IQGAP1: variants seen among roughly 807,000 people sequenced by gnomAD.
The protein encoded by IQGAP1 is ras GTPase-activating-like protein IQGAP1.
IQGAP1 carries 66 observed loss-of-function variants against 215.6 expected under a neutral mutation model. The ratio of observed to expected loss-of-function variants is 0.31; its 90% CI spans 0.25 to 0.38. The LOEUF is 0.38. Ranked by LOEUF, IQGAP1 falls within the 10% of genes least tolerant of loss-of-function variation. IQGAP1 has a pLI of 1.00. For synonymous variants in IQGAP1, 772 were observed against 728.7 expected, an observed-to-expected ratio of 1.06 and a Z score of -0.96; for missense variants, 1,712 against 1,997.1, an observed-to-expected ratio of 0.86 and a Z score of 2.72.
chr15:90,443,391 C>T lies in IQGAP1; in HGVS notation c.829-3C>T. 1.2e-6 allele frequency: 2 copies of T among 1,607,696 alleles called. No individual in the cohort carries two copies. Among genetic ancestry groups the T allele is most frequent in the Non-Finnish European group, 1.7e-6 (2 of 1,174,490 alleles). On this transcript the variant is annotated splice_region_variant and splice_polypyrimidine_tract_variant and intron_variant, in intron 8 of 37. Coordinates refer to ENST00000268182, the MANE Select transcript of IQGAP1 (RefSeq NM_003870.4). ...CTTAATTACGCTTTTTACTCATCCT[C>T]AGACAGAAAACTCAGAGAGAGAAAG...
At position 90,468,767 on chromosome 15, in the gene IQGAP1, G is replaced by A. The variant is rs568502478; in HGVS notation, c.2178+1175G>A. Among the ~76,000 whole-genome samples, 7 of 152,174 alleles carry A rather than the reference G, an allele frequency of 4.6e-5. No individual in the cohort carries two copies. In the South Asian group the frequency reaches 1.5e-3, roughly 32 times the overall value. ...GATCACTTGAGCCCGGGAGGTCAAG[G>A]CTGTAACGAGCCATGATCACAGCAG... On this transcript the variant is annotated intron_variant, in intron 18 of 37. Coordinates refer to ENST00000268182, the MANE Select transcript of IQGAP1 (RefSeq NM_003870.4).
intron 2 of IQGAP1, among the ~76,000 whole-genome samples, chr15:90,404,534 CTT>C (rs921879311): frequency 6.6e-6 from 1 of 151,800 alleles, no homozygotes; most frequent in Non-Finnish European, 1.5e-5. Flanking sequence ...GGTAAGAGCT[CTT>C]TATATATTGA....
chr15:90,453,573 A>T lies in IQGAP1; in HGVS notation c.1487+281A>T, dbSNP rs549185820. 4.6e-5 allele frequency among the ~76,000 whole-genome samples: 7 copies of T among 152,264 alleles called. No individual in the cohort carries two copies. The East Asian group carries it at 1.4e-3, about 29-fold the overall frequency. ...AATATCATCTAACCCTAGCTAGTTCATTTTCATTCTTCATTTGTTCCCAAA... is the reference window on the plus strand; with the variant it reads ...AATATCATCTAACCCTAGCTAGTTCTTTTTCATTCTTCATTTGTTCCCAAA... On this transcript the variant is annotated intron_variant, in intron 13 of 37. Transcript: ENST00000268182.
At chr15:90,488,654 A>G (rs951937860) in intron 33 of IQGAP1, among the ~76,000 whole-genome samples, 2 of 152,188 alleles carry the variant, frequency 1.3e-5, no homozygotes, top group African/African-American at 4.8e-5. Context: ...GAGAAGTTTC[A>G]GGAAAGAGGC....
At chr15:90,389,917 T>G (rs1797269804) in intron 1 of IQGAP1, among the ~76,000 whole-genome samples, 1 of 146,530 alleles carries the variant, frequency 6.8e-6, no homozygotes, top group South Asian at 2.1e-4. Context: ...ATTGTGCCAC[T>G]GCACTCGAGC....
intron 5 of IQGAP1, among the ~76,000 whole-genome samples, chr15:90,437,388 C>T (rs541443299): frequency 1.1e-4 from 16 of 151,976 alleles, no homozygotes; most frequent in Non-Finnish European, 2.1e-4. Context: ...ATTTCTTGTT[C>T]GCTATTTCCA....
rs779776491 is a variant in IQGAP1 at position 90,500,000 on chromosome 15, G to A, written c.4866G>A (p.Leu1622=). Reference sequence around the variant, plus strand: ...TTGTTTTGTTTTGTTAATAGGACCTGCTGCAGCTACAGTATGAAGGAGTTG... The same window carrying A: ...TTGTTTTGTTTTGTTAATAGGACCTACTGCAGCTACAGTATGAAGGAGTTG... ...METFMLHYQD[L]LQLQYEGVAV... is the part of the protein sequence containing the mutation. The change falls in exon 38 of 38, where the codon CTG becomes CTA. Residue 1622 remains leucine (L), a synonymous_variant. Transcript: ENST00000268182. The A allele has an allele frequency of 2.0e-5, 32 of 1,584,492 alleles. No individual in the cohort carries two copies. Among genetic ancestry groups the A allele is most frequent in the Non-Finnish European group, 3.5e-6 (4 of 1,153,446 alleles).
intron 23 of IQGAP1, 44 bp downstream of exon 23, chr15:90,474,737 C>G: frequency 7.1e-7 from 1 of 1,405,776 alleles, no homozygotes; most frequent in Non-Finnish European, 1.0e-6. Context: ...GTTCATCCTG[C>G]TTTGTAACCC....
Position 90,435,478 on chromosome 15 carries a change from A to AAAAAC in IQGAP1, c.467+1695_467+1699dup, listed in dbSNP as rs1201947878. Reference sequence around the variant, plus strand: ...ATGACAGAGCGAGACTCTGTCTCTAAAAAACAAAACAAAACATTACCAAAT... The same window carrying AAAAAC: ...ATGACAGAGCGAGACTCTGTCTCTAAAAAACAAAACAAAACAAAACATTACCAAAT... On this transcript the variant is annotated intron_variant, in intron 5 of 37. Coordinates refer to ENST00000268182, the MANE Select transcript of IQGAP1 (RefSeq NM_003870.4). Among the ~76,000 whole-genome samples, 3 of 152,348 alleles carry AAAAAC rather than the reference A, an allele frequency of 2.0e-5. No homozygotes were observed. The East Asian group carries it at 5.8e-4, about 29-fold the overall frequency.
intron 2 of IQGAP1, among the ~76,000 whole-genome samples, chr15:90,403,404 G>A (rs185989011): frequency 6.6e-5 from 10 of 152,180 alleles, no homozygotes; most frequent in Non-Finnish European, 1.3e-4. Flanking sequence ...GATAGATTTG[G>A]TCTTAATTTA....
At chr15:90,490,513 A>G (rs553854684) in intron 33 of IQGAP1, among the ~76,000 whole-genome samples, 1 of 152,322 alleles carries the variant, frequency 6.6e-6, no homozygotes, top group South Asian at 2.1e-4. Context: ...TTTCCCTGTT[A>G]GATTGTGGTG....
rs1384528019 is a variant in IQGAP1 at position 90,390,824 on chromosome 15, C to T, written c.106C>T (p.Arg36Cys). ...TGCAGAGGAGATGGATGAAAGGAGACGTCAGAACGTGGCTTATGAGTACCT... is the reference window on the plus strand; with the variant it reads ...TGCAGAGGAGATGGATGAAAGGAGATGTCAGAACGTGGCTTATGAGTACCT... ...LTAEEMDERR[R>C]QNVAYEYLCH... The change falls in exon 2 of 38, where the codon CGT (arginine) becomes TGT (cysteine). Residue 36 changes from arginine to cysteine, a missense_variant. By Grantham distance (180) the Arg-to-Cys change is radical. This residue lies in a region of IQGAP1 where 1,021 missense variants were observed against 1,074.2 expected (regional missense o/e 0.95). Transcript: ENST00000268182. The T allele has an allele frequency of 8.1e-6, 13 of 1,613,122 alleles. No individual in the cohort carries two copies. The highest frequency in any genetic ancestry group is 1.3e-5 in the African/African-American group (1 of 74,972).
intron 2 of IQGAP1, among the ~76,000 whole-genome samples, chr15:90,392,767 T>TTTTTTTTTC (rs1964653856): frequency 6.8e-6 from 1 of 147,554 alleles, no homozygotes; most frequent in African/African-American, 2.6e-5. Context: ...TTTTTTTTTG[T>TTTTTTTTTC]ACAGTCTCGC....
intron 18 of IQGAP1, among the ~76,000 whole-genome samples, chr15:90,472,437 C>A (rs565720786): frequency 1.3e-5 from 2 of 152,246 alleles, no homozygotes; most frequent in South Asian, 4.1e-4. Context: ...TGGTCTCTCC[C>A]CCTGAGATGT....
intron 28 of IQGAP1, chr15:90,482,855 G>T: frequency 2.3e-6 from 1 of 427,544 alleles, no homozygotes; most frequent in Non-Finnish European, 3.2e-6. Context: ...TAATTTCAGA[G>T]GCATGAACTT....
intron 26 of IQGAP1, among the ~76,000 whole-genome samples, chr15:90,481,425 C>T (rs1354632436): frequency 6.6e-6 from 1 of 151,980 alleles, no homozygotes; most frequent in African/African-American, 2.4e-5. Context: ...TAACAAAGTC[C>T]AGATTTGTCA....
intron 9 of IQGAP1, among the ~76,000 whole-genome samples, chr15:90,448,203 T>C (rs1429958173): frequency 1.3e-5 from 2 of 152,296 alleles, no homozygotes; most frequent in South Asian, 2.1e-4. Flanking sequence ...CTTTCTCCTG[T>C]TTGGTAGTCT....
chr15:90,466,179 A>G, intron 16 of IQGAP1, 88 bp downstream of exon 16: 2 of 1,572,304 alleles, frequency 1.3e-6, no homozygotes, highest in Non-Finnish European at 1.8e-6. Context: ...GTATGGGGGA[A>G]CAATTTGCCA....
At chr15:90,432,928 T>C (rs1264466389) in intron 4 of IQGAP1, among the ~76,000 whole-genome samples, 1 of 152,204 alleles carries the variant, frequency 6.6e-6, no homozygotes, top group Non-Finnish European at 1.5e-5. Context: ...AGTCTAAATC[T>C]ACTCTGTTCC....
Sources: gnomAD v4.1 joint callset for allele counts (sites outside exome capture counted in the v4.1 genomes callset) on GRCh38, gnomAD v4.1.1 for gene constraint, gnomAD v4.1.1 regional missense constraint, MANE v1.5 for transcripts, NCBI Gene and HGNC (gene_info 2026-07-23, HGNC 2026-07-21) for gene names.